ASCC1: variants seen among roughly 807,000 people sequenced by gnomAD.
ASCC1 encodes the protein activating signal cointegrator 1 complex subunit 1.
ASCC1 carries 35 observed loss-of-function variants against 46.6 expected under a neutral mutation model. The ratio of observed to expected loss-of-function variants is 0.75; its 90% CI spans 0.57 to 0.99. The LOEUF is 0.99. Ranked by LOEUF, ASCC1 falls within the 50% of genes least tolerant of loss-of-function variation. ASCC1 has a pLI of 0.00. For missense variants in ASCC1, 376 were observed against 428.7 expected (o/e 0.88, Z 1.09); for synonymous variants, 143 against 146.6 (o/e 0.98, Z 0.18).
intron 9 of ASCC1, among the ~76,000 whole-genome samples, chr10:72,112,361 C>T (rs1214672703): frequency 6.6e-6 from 1 of 151,986 alleles, no homozygotes; most frequent in Non-Finnish European, 1.5e-5. Context: ...ACATGAGGTA[C>T]CTAGAGTAGT....
At chr10:72,189,133 G>A (rs925390424) in intron 5 of ASCC1, among the ~76,000 whole-genome samples, 19 of 151,980 alleles carry the variant, frequency 1.3e-4, no homozygotes, top group African/African-American at 4.6e-4. Flanking sequence ...AGGCGCAGTG[G>A]CTCACGGCTG....
chr10:72,204,706 A>AAG (rs1174623951), intron 3 of ASCC1, among the ~76,000 whole-genome samples: 2 of 152,228 alleles, frequency 1.3e-5, no homozygotes, highest in African/African-American at 4.8e-5. Context: ...TACTTCCCTT[A>AAG]AGATCTATTA....
At chr10:72,197,467 CAAAAAAAAAAAAAA>C (rs59460393) in intron 4 of ASCC1, among the ~76,000 whole-genome samples, 1 of 51,364 alleles carries the variant, frequency 1.9e-5, no homozygotes, top group Non-Finnish European at 3.4e-5. Context: ...GACTCTATCT[CAAAAAAAAAAAAAA>C]AAAAAAAAAA....
intron 7 of ASCC1, among the ~76,000 whole-genome samples, chr10:72,141,393 A>G (rs1297453584): frequency 6.6e-6 from 1 of 152,146 alleles, no homozygotes; most frequent in Non-Finnish European, 1.5e-5. Context: ...CATCAATTTG[A>G]TTTTGATGAC....
intron 4 of ASCC1, among the ~76,000 whole-genome samples, chr10:72,202,032 T>C (rs538048331): frequency 1.3e-5 from 2 of 152,084 alleles, no homozygotes; most frequent in Non-Finnish European, 2.9e-5. Flanking sequence ...GGCAGATCAC[T>C]TCAAACCAAA....
intron 5 of ASCC1, among the ~76,000 whole-genome samples, chr10:72,170,792 T>C (rs1000517897): frequency 5.9e-5 from 9 of 151,894 alleles, no homozygotes; most frequent in Non-Finnish European, 7.4e-5. Context: ...GTAAATTAGA[T>C]AAAACTATCA....
intron 1 of ASCC1, among the ~76,000 whole-genome samples, chr10:72,215,132 G>C (rs567798853): frequency 6.6e-6 from 1 of 152,318 alleles, no homozygotes; most frequent in Admixed American, 6.5e-5. Flanking sequence ...CGTGGGCGCG[G>C]TGGCTCACGT....
chr10:72,130,107 C>T (rs561185789), intron 8 of ASCC1, among the ~76,000 whole-genome samples: 202 of 151,720 alleles, frequency 1.3e-3, no homozygotes, highest in African/African-American at 4.8e-3. Context: ...CACAAAAGAT[C>T]ACATACAGCA....
At chr10:72,120,413 C>T (rs1205274992) in intron 9 of ASCC1, among the ~76,000 whole-genome samples, 1 of 151,654 alleles carries the variant, frequency 6.6e-6, no homozygotes, top group Non-Finnish European at 1.5e-5. Context: ...AACAGAATAT[C>T]CAAGAACTGT....
chr10:72,185,802 A>G (rs1853372759), intron 5 of ASCC1, among the ~76,000 whole-genome samples: 1 of 152,180 alleles, frequency 6.6e-6, no homozygotes, highest in Non-Finnish European at 1.5e-5. Context: ...AGTGCATTAT[A>G]ATGTTGTATA....
At chr10:72,204,385 C>G in intron 3 of ASCC1, 3 of 1,550,024 alleles carry the variant, frequency 1.9e-6, no homozygotes, top group Non-Finnish European at 2.6e-6. Context: ...CCATCACTCC[C>G]ACTTAAATCA....
chr10:72,118,366 C>CAA (rs113494072), intron 9 of ASCC1, among the ~76,000 whole-genome samples: 2 of 78,728 alleles, frequency 2.5e-5, no homozygotes, highest in Non-Finnish European at 2.6e-5. Flanking sequence ...GACTCCATCT[C>CAA]AAAAAAAAAA....
intron 7 of ASCC1, among the ~76,000 whole-genome samples, chr10:72,146,437 T>C (rs946967871): frequency 6.6e-6 from 1 of 151,938 alleles, no homozygotes; most frequent in African/African-American, 2.4e-5. Flanking sequence ...AACAAGGAAA[T>C]TGAGTTGAGT....
At chr10:72,128,047 C>T in intron 9 of ASCC1, 35 bp downstream of exon 9, 1 of 1,527,974 alleles carries the variant, frequency 6.5e-7, no homozygotes. Flanking sequence ...GGACATGTGC[C>T]AAAGGATTTC....
At chr10:72,206,340 G>A (rs1857211355) in intron 3 of ASCC1, among the ~76,000 whole-genome samples, 2 of 152,096 alleles carry the variant, frequency 1.3e-5, no homozygotes, top group South Asian at 4.1e-4. Flanking sequence ...GGAGGCAGAG[G>A]TTGTGGTGAG....
intron 7 of ASCC1, among the ~76,000 whole-genome samples, chr10:72,141,024 C>T (rs969853533): frequency 1.4e-5 from 2 of 144,014 alleles, no homozygotes; most frequent in African/African-American, 2.6e-5. Context: ...CCAAGTATAA[C>T]ATCAAATTGT....
Position 72,096,666 on chromosome 10 carries a change from T to C in ASCC1, c.*668A>G, listed in dbSNP as rs1227368383. The C allele has an allele frequency of 2.2e-6, 1 of 454,146 alleles. No individual in the cohort carries two copies. The highest frequency in any genetic ancestry group is 6.9e-5 in the East Asian group (1 of 14,398). The allele number at this position is 454,146 out of a possible 1,614,324, so 28.1% of individuals were successfully genotyped here. ...AATAGTCAAGAGGAAGCAAGCCAAGTGTTCACTGATGGAGGAACAGAGTGT... is the reference window on the plus strand; with the variant it reads ...AATAGTCAAGAGGAAGCAAGCCAAGCGTTCACTGATGGAGGAACAGAGTGT... On this transcript the variant is annotated 3_prime_UTR_variant, in exon 10 of 10. Transcript: ENST00000672957.
intron 5 of ASCC1, among the ~76,000 whole-genome samples, chr10:72,191,942 C>T (rs758991353): frequency 1.8e-4 from 28 of 151,530 alleles, no homozygotes; most frequent in Non-Finnish European, 2.1e-4. Flanking sequence ...ACCACCACGC[C>T]GGCCAGGAAA....
intron 9 of ASCC1, chr10:72,102,806 C>T (rs7915698): frequency 0.087 from 30,137 of 347,200 alleles, 2,042 homozygotes; most frequent in African/African-American, 0.22. Context: ...GAAACCCCAT[C>T]TCTACTAAAA....
Sources: allele counts gnomAD v4.1 joint callset (sites outside exome capture counted in the v4.1 genomes callset), GRCh38; gene constraint gnomAD v4.1.1; transcripts MANE v1.5; gene names NCBI Gene and HGNC (gene_info 2026-07-23, HGNC 2026-07-21).